RFX7: variants seen among roughly 807,000 people sequenced by gnomAD.
The protein encoded by RFX7 is regulatory factor X7, also known as DNA-binding protein RFX7.
RFX7 carries 26 observed loss-of-function variants against 111.8 expected under a neutral mutation model. That is an observed-to-expected ratio of 0.23 (90% CI 0.17 to 0.32). RFX7 has a LOEUF of 0.32. Ranked by LOEUF, RFX7 falls within the 10% of genes least tolerant of loss-of-function variation. The pLI, the probability that RFX7 is intolerant of heterozygous loss-of-function variation, is 1.00. For missense variants in RFX7, 1,573 were observed against 1,772.9 expected, an observed-to-expected ratio of 0.89 and a Z score of 2.02; for synonymous variants, 624 against 624.4, an observed-to-expected ratio of 1.00 and a Z score of 0.01.
At chr15:56,244,476 A>G (rs564982514), upstream of RFX7, among the ~76,000 whole-genome samples, 42 of 152,190 alleles carry the variant, frequency 2.8e-4, no homozygotes, top group African/African-American at 9.6e-4. Flanking sequence ...TCCCCCTGCA[A>G]GAACTCCCGG....
At position 56,095,870 on chromosome 15, in the gene RFX7, T is replaced by C. The variant is rs1421421932; in HGVS notation, c.1858A>G (p.Ser620Gly). ...LPGTSTGNNQ[S>G]TITLSVASQN... ...GAAGCAACTGATAGAGTGATAGTGC[T>C]TTGATTATTGCCTGTTGACGTGCCT... Residue 620 changes from serine to glycine, a missense_variant, in exon 10 of 10, where the codon AGC (serine) becomes GGC (glycine). Coordinates refer to ENST00000559447, the MANE Select transcript of RFX7 (RefSeq NM_022841.7). 1 of 1,606,110 alleles carries C rather than the reference T, an allele frequency of 6.2e-7. No homozygotes were observed. The highest frequency in any genetic ancestry group is 8.5e-7 in the Non-Finnish European group (1 of 1,179,828).
chr15:56,159,600 G>GA (rs1236930044), intron 3 of RFX7, among the ~76,000 whole-genome samples: 1 of 152,192 alleles, frequency 6.6e-6, no homozygotes, highest in African/African-American at 2.4e-5. Flanking sequence ...AAGCAGAATA[G>GA]TTCAGAAATA....
intron 3 of RFX7, among the ~76,000 whole-genome samples, chr15:56,166,557 T>C (rs1359511663): frequency 2.0e-5 from 3 of 152,164 alleles, no homozygotes; most frequent in Non-Finnish European, 2.9e-5. Flanking sequence ...ACTTGCCCTA[T>C]AGACCTTACT....
intron 2 of RFX7, among the ~76,000 whole-genome samples, chr15:56,197,502 T>C (rs1224716674): frequency 1.3e-5 from 2 of 152,168 alleles, no homozygotes; most frequent in Non-Finnish European, 2.9e-5. Flanking sequence ...CTGGATTCCA[T>C]GTGTGATGTG....
Position 56,243,121 on chromosome 15 carries a change from T to C in RFX7, c.161+4A>G, listed in dbSNP as rs778818389. 1.0e-5 allele frequency: 14 copies of C among 1,360,772 alleles called. No homozygotes were observed. The highest frequency in any genetic ancestry group is 1.9e-5 in the Admixed American group (1 of 51,914). 84.3% of individuals were successfully genotyped at this position (1,360,772 alleles called of 1,614,324 possible). ...TTCACGCGAGCGATGGAGGATCCTC[T>C]TACCAGATGGAGTTCTTGATCTTGT... On this transcript the variant is annotated splice_donor_region_variant and intron_variant, in intron 2 of 9. Coordinates refer to ENST00000559447, the MANE Select transcript of RFX7 (RefSeq NM_022841.7).
chr15:56,121,850 T>A (rs182791968), intron 5 of RFX7, among the ~76,000 whole-genome samples: 1 of 152,344 alleles, frequency 6.6e-6, no homozygotes, highest in Admixed American at 6.5e-5. Flanking sequence ...ATCTTTCAAC[T>A]CCAGAATTTG....
chr15:56,134,020 G>C (rs1169994567), intron 5 of RFX7, among the ~76,000 whole-genome samples: 1 of 152,068 alleles, frequency 6.6e-6, no homozygotes, highest in Non-Finnish European at 1.5e-5. Flanking sequence ...ACACCAAGTG[G>C]AAGTCCTGGC....
chr15:56,171,931 G>A (rs1457444878), intron 3 of RFX7, among the ~76,000 whole-genome samples: 5 of 152,166 alleles, frequency 3.3e-5, no homozygotes, highest in African/African-American at 1.2e-4. Context: ...CATCAAAGTA[G>A]ATGAGATTAT....
chr15:56,165,458 T>C (rs2042771920), intron 3 of RFX7, among the ~76,000 whole-genome samples: 1 of 152,190 alleles, frequency 6.6e-6, no homozygotes, highest in Non-Finnish European at 1.5e-5. Context: ...GCAACAGGTA[T>C]TCTGGTAACC....
chr15:56,123,716 G>C (rs1179942463), intron 5 of RFX7, among the ~76,000 whole-genome samples: 3 of 152,228 alleles, frequency 2.0e-5, no homozygotes, highest in Non-Finnish European at 2.9e-5. Flanking sequence ...AGCCTGCAGT[G>C]GTGAGGCTTG....
intron 3 of RFX7, among the ~76,000 whole-genome samples, chr15:56,164,683 A>G (rs1363269620): frequency 2.4e-4 from 36 of 152,144 alleles, no homozygotes; most frequent in Admixed American, 2.4e-3. Flanking sequence ...GATTTTTCAC[A>G]TGGGGTAGTT....
intron 3 of RFX7, among the ~76,000 whole-genome samples, chr15:56,170,358 G>A (rs1005610583): frequency 8.5e-5 from 13 of 152,076 alleles, no homozygotes; most frequent in Non-Finnish European, 1.5e-4. Flanking sequence ...TACGTGTTAC[G>A]AACAAAGAAG....
intron 2 of RFX7, among the ~76,000 whole-genome samples, chr15:56,190,205 G>A (rs2043086302): frequency 6.6e-6 from 1 of 152,212 alleles, no homozygotes; most frequent in Non-Finnish European, 1.5e-5. Flanking sequence ...TGCTCACTGG[G>A]AAGGATCATG....
At chr15:56,123,741 C>T (rs935845580) in intron 5 of RFX7, among the ~76,000 whole-genome samples, 1 of 152,188 alleles carries the variant, frequency 6.6e-6, no homozygotes, top group Admixed American at 6.5e-5. Context: ...AACTCAGTTT[C>T]CAACCACTGG....
intron 5 of RFX7, among the ~76,000 whole-genome samples, chr15:56,107,562 A>G (rs758501192): frequency 4.6e-5 from 7 of 152,180 alleles, no homozygotes; most frequent in Non-Finnish European, 8.8e-5. Flanking sequence ...AAATATAGTC[A>G]TGGGATACCT....
intron 2 of RFX7, among the ~76,000 whole-genome samples, chr15:56,221,852 T>C (rs1357251146): frequency 1.3e-5 from 2 of 152,220 alleles, no homozygotes; most frequent in South Asian, 2.1e-4. Context: ...TACTTCTACA[T>C]GATATAAACA....
intron 5 of RFX7, among the ~76,000 whole-genome samples, chr15:56,104,447 T>A (rs1263395641): frequency 6.6e-6 from 1 of 152,132 alleles, no homozygotes; most frequent in Non-Finnish European, 1.5e-5. Context: ...ACCTGGGAAA[T>A]ATGAATGAAG....
intron 5 of RFX7, among the ~76,000 whole-genome samples, chr15:56,139,384 A>C (rs1364568226): frequency 1.3e-5 from 2 of 151,990 alleles, no homozygotes; most frequent in African/African-American, 4.8e-5. Flanking sequence ...CATCGCTGAT[A>C]CTCTTTCTTC....
rs1595918519 is a variant in RFX7, at chr15:56,094,723, A to G, written c.3005T>C (p.Ile1002Thr). Reference sequence around the variant, plus strand: ...GCTGCAGTTAGAATGTGGAGTACCAATGGGTGTATGTCGGCTACTTCCTAA... The same window carrying G: ...GCTGCAGTTAGAATGTGGAGTACCAGTGGGTGTATGTCGGCTACTTCCTAA... The part of the protein sequence containing the change: ...SALGSSRHTP[I>T]GTPHSNCSSS... The change falls in exon 10 of 10, where the codon ATT becomes ACT. Residue 1002 changes from isoleucine to threonine, a missense_variant. Ile to Thr is a moderately conservative substitution (Grantham distance 89). Coordinates refer to ENST00000559447, the MANE Select transcript of RFX7 (RefSeq NM_022841.7). 6.2e-7 allele frequency: 1 copy of G among 1,613,854 alleles called. No homozygotes were observed. Among genetic ancestry groups the G allele is most frequent in the African/African-American group, 1.3e-5 (1 of 75,026 alleles).
Sources: allele counts gnomAD v4.1 joint callset (sites outside exome capture counted in the v4.1 genomes callset), GRCh38; gene constraint gnomAD v4.1.1; transcripts MANE v1.5; gene names NCBI Gene and HGNC (gene_info 2026-07-23, HGNC 2026-07-21).